Variants in ABCC4 observed in about 807,000 individuals in gnomAD.
The protein encoded by ABCC4 is ATP binding cassette subfamily C member 4 (PEL blood group).
ABCC4 carries 102 observed loss-of-function variants against 168.5 expected under a neutral mutation model. That is an observed-to-expected ratio of 0.61 (90% confidence interval 0.52 to 0.71). The LOEUF (loss-of-function observed/expected upper bound fraction) is 0.71, where lower values mean the gene tolerates loss of function less well. Among genes scored for constraint, ABCC4 ranks in the 30% least tolerant of loss-of-function variants. ABCC4 has a pLI of 0.00. For synonymous variants in ABCC4, 617 were observed against 590.7 expected (o/e 1.04, Z -0.65); for missense variants, 1,402 against 1,605.8 (o/e 0.87, Z 2.17).
intron 14 of ABCC4, among the ~76,000 whole-genome samples, chr13:95,168,530 T>C (rs2037360952): frequency 6.6e-6 from 1 of 152,240 alleles, no homozygotes. Flanking sequence ...ATGTGAAATT[T>C]ATCTCCCTTG....
At chr13:95,173,669 G>A (rs2037559231) in intron 13 of ABCC4, among the ~76,000 whole-genome samples, 1 of 152,190 alleles carries the variant, frequency 6.6e-6, no homozygotes, top group Non-Finnish European at 1.5e-5. Context: ...TAGAACTGTA[G>A]CTTAAAAGTA....
intron 25 of ABCC4, among the ~76,000 whole-genome samples, chr13:95,067,803 G>T (rs1316295367): frequency 6.6e-6 from 1 of 151,934 alleles, no homozygotes; most frequent in Non-Finnish European, 1.5e-5. Flanking sequence ...ATAGCTTTGA[G>T]CAAGGAAAAA....
chr13:95,292,043 T>C (rs2041417250), intron 1 of ABCC4, among the ~76,000 whole-genome samples: 1 of 151,954 alleles, frequency 6.6e-6, no homozygotes, highest in African/African-American at 2.4e-5. Context: ...GTAGCAGGCA[T>C]CTCAAACTTA....
intron 14 of ABCC4, among the ~76,000 whole-genome samples, chr13:95,169,018 G>A (rs188016167): frequency 8.5e-4 from 130 of 152,250 alleles, no homozygotes; most frequent in Non-Finnish European, 1.4e-3. Flanking sequence ...GAGACACAGC[G>A]ACAATGCCAT....
intron 4 of ABCC4, among the ~76,000 whole-genome samples, chr13:95,218,567 G>T (rs529289714): frequency 6.6e-6 from 1 of 152,074 alleles, no homozygotes; most frequent in African/African-American, 2.4e-5. Flanking sequence ...AAAGTTCTCC[G>T]TAGGCCAGGT....
intron 1 of ABCC4, among the ~76,000 whole-genome samples, chr13:95,293,488 A>G (rs1440864029): frequency 6.6e-6 from 1 of 151,434 alleles, no homozygotes; most frequent in Non-Finnish European, 1.5e-5. Flanking sequence ...TTTTTTTGAG[A>G]TGGAGTCTCG....
intron 1 of ABCC4, among the ~76,000 whole-genome samples, chr13:95,272,987 C>T (rs1412247491): frequency 3.3e-5 from 5 of 152,174 alleles, no homozygotes; most frequent in Admixed American, 3.3e-4. Context: ...ACACCCCCTA[C>T]AGGACCCCAA....
At chr13:95,269,190 G>A (rs2040771643) in intron 1 of ABCC4, 2 of 437,432 alleles carry the variant, frequency 4.6e-6, no homozygotes, top group Non-Finnish European at 9.2e-6. Flanking sequence ...GGGGTCATGG[G>A]AAGCATAGAA....
chr13:95,025,255 A>ACACACACACC (rs71111584), intron 30 of ABCC4, among the ~76,000 whole-genome samples: 22 of 31,994 alleles, frequency 6.9e-4, no homozygotes, highest in Admixed American at 1.4e-3. Context: ...ACCCACACAC[A>ACACACACACC]CACACACCCC....
intron 1 of ABCC4, among the ~76,000 whole-genome samples, chr13:95,270,080 G>C (rs1005107555): frequency 6.6e-6 from 1 of 152,060 alleles, no homozygotes; most frequent in Middle Eastern, 3.2e-3. Context: ...AGGGAGGGAG[G>C]AAGACGACCA....
Position 95,301,271 on chromosome 13 carries a change from T to C in ABCC4, c.44A>G (p.Asp15Gly), listed in dbSNP as rs764795054. The C allele has an allele frequency of 2.8e-5, 45 of 1,595,340 alleles. No individual in the cohort carries two copies. The highest frequency in any genetic ancestry group is 3.8e-5 in the Non-Finnish European group (45 of 1,171,602). Residue 15 changes from aspartate (D) to glycine (G), a missense_variant, in exon 1 of 31, where the codon GAC (aspartate) becomes GGC (glycine). Physicochemically the swap from Asp to Gly is moderately conservative, Grantham distance 94. Around this residue, in one of 3 missense-constraint regions of ABCC4, gnomAD observed 317 missense variants for 345.5 expected, o/e 0.92. Coordinates refer to ENST00000645237, the MANE Select transcript of ABCC4 (RefSeq NM_005845.5). ...YQEVKPNPLQ[D>G]ANLCSRVFFW... The stretch of plus-strand genomic sequence containing the variant: ...GAACACGCGTGAGCAGAGGTTCGCG[T>C]CCTGCAGCGGGTTGGGCTTCACCTC...
intron 19 of ABCC4, chr13:95,148,806 C>A (rs1018818597): frequency 1.3e-5 from 2 of 152,082 alleles, no homozygotes; most frequent in African/African-American, 4.8e-5. Context: ...TGATGAGGTA[C>A]TTATTTTGCC....
At chr13:95,042,571 T>C (rs2032406869) in intron 29 of ABCC4, among the ~76,000 whole-genome samples, 1 of 152,108 alleles carries the variant, frequency 6.6e-6, no homozygotes. Context: ...ATAAAGACAT[T>C]ACTCAAGAGA....
At chr13:95,150,106 C>T (rs964454205) in intron 19 of ABCC4, among the ~76,000 whole-genome samples, 4 of 152,058 alleles carry the variant, frequency 2.6e-5, no homozygotes, top group East Asian at 1.9e-4. Context: ...CACGAGGAGC[C>T]GGTACTATAG....
At chr13:95,029,255 AAGAG>A (rs1234337009) in intron 30 of ABCC4, among the ~76,000 whole-genome samples, 1 of 5,330 alleles carries the variant, frequency 1.9e-4, no homozygotes, top group African/African-American at 4.0e-4. Context: ...GAGAGAGAGA[AAGAG>A]AGAGAGAGAG....
chr13:95,116,113 T>C, intron 19 of ABCC4, 112 bp from the exon 20 acceptor site: 1 of 676,976 alleles, frequency 1.5e-6, no homozygotes, highest in Non-Finnish European at 2.3e-6. Flanking sequence ...TTTAATATAT[T>C]ATTCATATGA....
At chr13:95,097,885 C>T (rs1010188822) in intron 20 of ABCC4, among the ~76,000 whole-genome samples, 1 of 151,930 alleles carries the variant, frequency 6.6e-6, no homozygotes. Context: ...CCTATAATCC[C>T]AGCACTTTTA....
chr13:95,029,194 A>C (rs71432035), intron 30 of ABCC4, among the ~76,000 whole-genome samples: 7,811 of 92,820 alleles, frequency 0.084, 313 homozygotes, highest in Admixed American at 0.14. Flanking sequence ...ATATATATAT[A>C]TATATATATA....
intron 3 of ABCC4, among the ~76,000 whole-genome samples, chr13:95,241,106 T>G (rs2039929490): frequency 6.6e-6 from 1 of 151,938 alleles, no homozygotes; most frequent in East Asian, 2.0e-4. Context: ...GGCTCATGCC[T>G]GTAATCCCAG....
Sources: gnomAD v4.1 joint callset for allele counts (sites outside exome capture counted in the v4.1 genomes callset) on GRCh38, gnomAD v4.1.1 for gene constraint, gnomAD v4.1.1 regional missense constraint, MANE v1.5 for transcripts, NCBI Gene and HGNC (gene_info 2026-07-23, HGNC 2026-07-21) for gene names.